The following TMEM117 variants were observed in gnomAD, a reference collection of about 807,000 sequenced individuals.
TMEM117 encodes the protein transmembrane protein 117.
A neutral mutation model predicts 52.4 loss-of-function variants in TMEM117; 27 were observed. That is an observed-to-expected ratio of 0.51 (90% CI 0.38 to 0.71). TMEM117 has a LOEUF of 0.71. Among genes scored for constraint, TMEM117 ranks in the 30% least tolerant of loss-of-function variants. The pLI, the probability that TMEM117 is intolerant of heterozygous loss-of-function variation, is 0.00. For synonymous variants in TMEM117, 215 were observed against 206.3 expected, an observed-to-expected ratio of 1.04 and a Z score of -0.36; for missense variants, 556 against 630.5, an observed-to-expected ratio of 0.88 and a Z score of 1.26.
chr12:44,304,788 G>A (rs529827844), intron 6 of TMEM117, among the ~76,000 whole-genome samples: 1 of 152,266 alleles, frequency 6.6e-6, no homozygotes, highest in African/African-American at 2.4e-5. Flanking sequence ...AGGGCCCTTG[G>A]GCCTTAAATG....
chr12:44,025,459 A>T (rs1946518530), intron 3 of TMEM117, among the ~76,000 whole-genome samples: 2 of 152,194 alleles, frequency 1.3e-5, no homozygotes, highest in African/African-American at 4.8e-5. Flanking sequence ...TAGGTTAATG[A>T]AAGATATGGA....
intron 6 of TMEM117, among the ~76,000 whole-genome samples, chr12:44,317,455 C>T (rs762417404): frequency 2.6e-5 from 4 of 151,954 alleles, no homozygotes; most frequent in South Asian, 2.1e-4. Flanking sequence ...GTGCAAATGG[C>T]GCAATCTCAG....
intron 5 of TMEM117, among the ~76,000 whole-genome samples, chr12:44,271,067 A>G (rs1392134122): frequency 6.6e-6 from 1 of 151,982 alleles, no homozygotes; most frequent in Non-Finnish European, 1.5e-5. Flanking sequence ...GGATTTGGTT[A>G]GCTAGTATTT....
intron 2 of TMEM117, among the ~76,000 whole-genome samples, chr12:43,922,650 T>G (rs950276176): frequency 4.6e-5 from 7 of 152,202 alleles, no homozygotes; most frequent in African/African-American, 1.7e-4. Context: ...TACACTTGAT[T>G]AAGTTATTTG....
chr12:44,280,493 A>T (rs1197882456), intron 5 of TMEM117, among the ~76,000 whole-genome samples: 1 of 152,148 alleles, frequency 6.6e-6, no homozygotes, highest in Non-Finnish European at 1.5e-5. Flanking sequence ...GTCCAATTTA[A>T]TCAGAACTCT....
At chr12:43,958,838 A>G (rs541553815) in intron 3 of TMEM117, among the ~76,000 whole-genome samples, 68 of 151,698 alleles carry the variant, frequency 4.5e-4, no homozygotes, top group Admixed American at 1.2e-3. Flanking sequence ...ACAGAGTCTC[A>G]CTCTGTCGCC....
At chr12:44,281,612 C>T (rs978760371) in intron 5 of TMEM117, among the ~76,000 whole-genome samples, 2 of 152,114 alleles carry the variant, frequency 1.3e-5, no homozygotes, top group Non-Finnish European at 2.9e-5. Flanking sequence ...TGACAGCATC[C>T]CACTTTTTCT....
chr12:44,329,469 G>A (rs1428356727), intron 6 of TMEM117, among the ~76,000 whole-genome samples: 1 of 152,180 alleles, frequency 6.6e-6, no homozygotes, highest in South Asian at 2.1e-4. Context: ...ACCGTATTTG[G>A]TGTTTAACCC....
intron 3 of TMEM117, among the ~76,000 whole-genome samples, chr12:44,054,642 G>A (rs920097624): frequency 1.3e-5 from 2 of 151,500 alleles, no homozygotes; most frequent in African/African-American, 4.9e-5. Context: ...TTAGGTTTTT[G>A]CCTTATTTGT....
chr12:44,086,530 T>C (rs1419061977), intron 3 of TMEM117, among the ~76,000 whole-genome samples: 2 of 152,240 alleles, frequency 1.3e-5, no homozygotes, highest in East Asian at 3.9e-4. Context: ...TCTTGATTCC[T>C]GCCTCCATTG....
intron 3 of TMEM117, among the ~76,000 whole-genome samples, chr12:43,993,563 G>C (rs553513786): frequency 4.6e-5 from 7 of 152,040 alleles, no homozygotes; most frequent in African/African-American, 9.7e-5. Context: ...GAAGATGGAG[G>C]GGGGTGGAAG....
At chr12:43,991,475 A>ATCT (rs1945939975) in intron 3 of TMEM117, among the ~76,000 whole-genome samples, 1 of 146,392 alleles carries the variant, frequency 6.8e-6, no homozygotes, top group African/African-American at 2.6e-5. Flanking sequence ...CTATCTATCT[A>ATCT]ATCTATCTCT....
At chr12:44,391,966 G>T (rs1043553305), downstream of TMEM117, among the ~76,000 whole-genome samples, 2 of 152,042 alleles carry the variant, frequency 1.3e-5, no homozygotes, top group African/African-American at 2.4e-5. Flanking sequence ...TAGCCAGCCC[G>T]TACCCTTGAG....
chr12:44,254,295 A>C (rs1342640644), intron 5 of TMEM117, among the ~76,000 whole-genome samples: 1 of 152,064 alleles, frequency 6.6e-6, no homozygotes, highest in Non-Finnish European at 1.5e-5. Flanking sequence ...GAAGAGGATT[A>C]ATAGTCTCAG....
chr12:44,080,282 G>T (rs1255683972), intron 3 of TMEM117, among the ~76,000 whole-genome samples: 1 of 152,044 alleles, frequency 6.6e-6, no homozygotes, highest in East Asian at 1.9e-4. Flanking sequence ...TGGTGGAAGG[G>T]GAAGCAAACA....
chr12:44,286,362 A>G (rs1193874966), intron 5 of TMEM117, among the ~76,000 whole-genome samples: 4 of 151,506 alleles, frequency 2.6e-5, no homozygotes, highest in Non-Finnish European at 4.4e-5. Flanking sequence ...GTTGAATCAC[A>G]TGAAGTTTCT....
chr12:44,115,405 T>C (rs77945678), intron 3 of TMEM117, among the ~76,000 whole-genome samples: 4 of 152,048 alleles, frequency 2.6e-5, no homozygotes, highest in Non-Finnish European at 5.9e-5. Flanking sequence ...CATGTATACA[T>C]ATGTACCAAA....
At chr12:44,288,783 A>G (rs1019409438) in intron 5 of TMEM117, among the ~76,000 whole-genome samples, 5 of 152,220 alleles carry the variant, frequency 3.3e-5, no homozygotes, top group African/African-American at 1.2e-4. Flanking sequence ...ATGATTTAAT[A>G]TACATATGCA....
chr12:44,228,919 T>C (rs1340103147), intron 5 of TMEM117, among the ~76,000 whole-genome samples: 1 of 152,144 alleles, frequency 6.6e-6, no homozygotes, highest in African/African-American at 2.4e-5. Flanking sequence ...ATAAAATGAT[T>C]GCTCTAGTTG....
Sources: gnomAD v4.1 joint callset for allele counts (sites outside exome capture counted in the v4.1 genomes callset) on GRCh38, gnomAD v4.1.1 for gene constraint, MANE v1.5 for transcripts, NCBI Gene and HGNC (gene_info 2026-07-23, HGNC 2026-07-21) for gene names.